The following SPATA17 variants were observed in gnomAD, a reference collection of about 807,000 sequenced individuals.
SPATA17 encodes the protein spermatogenesis-associated protein 17.
SPATA17 carries 53 observed loss-of-function variants against 62.2 expected under a neutral mutation model. The observed-to-expected ratio is 0.85, with a 90% confidence interval of 0.68 to 1.07. The LOEUF is 1.07. Among genes scored for constraint, SPATA17 ranks in the 50% least tolerant of loss-of-function variants. The pLI is 0.00. For missense variants in SPATA17, 466 were observed against 425.5 expected, an observed-to-expected ratio of 1.10 and a Z score of -0.84; for synonymous variants, 146 against 146.8, an observed-to-expected ratio of 0.99 and a Z score of 0.04.
intron 4 of SPATA17, among the ~76,000 whole-genome samples, chr1:217,681,141 C>A (rs950516999): frequency 1.3e-5 from 2 of 150,930 alleles, no homozygotes. Context: ...GCAGGAGAAT[C>A]GCTTGAACCA....
intron 4 of SPATA17, among the ~76,000 whole-genome samples, chr1:217,680,151 A>C (rs1671044894): frequency 6.6e-6 from 1 of 152,210 alleles, no homozygotes; most frequent in African/African-American, 2.4e-5. Context: ...ATGTATTTAC[A>C]AGTGTTCCCT....
intron 6 of SPATA17, among the ~76,000 whole-genome samples, chr1:217,761,325 A>T (rs1418785300): frequency 6.6e-6 from 1 of 152,132 alleles, no homozygotes. Flanking sequence ...TTCCAAAGTT[A>T]TTTAAAGGTT....
chr1:217,662,564 A>G (rs955221863), intron 3 of SPATA17, among the ~76,000 whole-genome samples: 2 of 152,134 alleles, frequency 1.3e-5, no homozygotes, highest in South Asian at 4.1e-4. Flanking sequence ...ACTTCTTTCA[A>G]TGTTTTCATA....
intron 6 of SPATA17, among the ~76,000 whole-genome samples, chr1:217,761,291 A>G (rs1399763198): frequency 6.6e-6 from 1 of 152,078 alleles, no homozygotes; most frequent in Admixed American, 6.6e-5. Context: ...GTGATGTCAT[A>G]TGGGACTATT....
chr1:217,788,481 T>C (rs974483022), intron 8 of SPATA17, among the ~76,000 whole-genome samples: 1 of 152,128 alleles, frequency 6.6e-6, no homozygotes, highest in African/African-American at 2.4e-5. Context: ...TAGGGACTTT[T>C]AGGTGGGGAG....
chr1:217,669,187 C>A, intron 4 of SPATA17, 104 bp downstream of exon 4: 2 of 940,796 alleles, frequency 2.1e-6, no homozygotes, highest in Non-Finnish European at 3.3e-6. Flanking sequence ...GATTGATATG[C>A]TAATGGTAAA....
At chr1:217,681,930 TA>T (rs941672304) in intron 4 of SPATA17, among the ~76,000 whole-genome samples, 183 of 141,690 alleles carry the variant, frequency 1.3e-3, no homozygotes, top group Non-Finnish European at 1.1e-3. Flanking sequence ...CCTTTCCTAT[TA>T]AAAAAAAAAA....
intron 3 of SPATA17, among the ~76,000 whole-genome samples, chr1:217,653,655 G>T (rs76972579): frequency 2.0e-5 from 3 of 151,962 alleles, no homozygotes; most frequent in Admixed American, 6.5e-5. Flanking sequence ...ATTGGACAGT[G>T]AGCCAATGGA....
chr1:217,653,557 C>A (rs1283908820), intron 3 of SPATA17, among the ~76,000 whole-genome samples: 1 of 151,962 alleles, frequency 6.6e-6, no homozygotes, highest in Non-Finnish European at 1.5e-5. Context: ...AGAGTTACAT[C>A]TTCATGATCT....
chr1:217,828,960 T>C (rs556464746), intron 9 of SPATA17, among the ~76,000 whole-genome samples: 19 of 152,148 alleles, frequency 1.2e-4, no homozygotes, highest in Admixed American at 3.3e-4. Flanking sequence ...GGTGAGGGTG[T>C]AGAGAAAAGG....
intron 9 of SPATA17, among the ~76,000 whole-genome samples, chr1:217,850,040 G>T (rs980833772): frequency 6.6e-6 from 1 of 152,064 alleles, no homozygotes; most frequent in Admixed American, 6.6e-5. Context: ...CACTGAATAT[G>T]TAGCTTACTG....
chr1:217,667,682 T>G (rs1670730060), intron 3 of SPATA17, among the ~76,000 whole-genome samples: 1 of 152,238 alleles, frequency 6.6e-6, no homozygotes, highest in African/African-American at 2.4e-5. Flanking sequence ...AACATCTTTT[T>G]CTGAACCCAA....
Position 217,869,510 on chromosome 1 carries a change from A to G in SPATA17, c.*2491A>G, listed in dbSNP as rs1676086943. 6.6e-6 allele frequency: 1 copy of G among 152,186 alleles called. No individual in the cohort carries two copies. Among genetic ancestry groups the G allele is most frequent in the South Asian group, 2.1e-4 (1 of 4,834 alleles). The allele number at this position is 152,186 out of a possible 1,614,324, so 9.4% of individuals were successfully genotyped here. ...TCTCTACAGAATGTAGATTTTCCCC[A>G]TAAGAGATAGCTTCGCAGGGCCATT... On this transcript the variant is annotated 3_prime_UTR_variant, in exon 11 of 11. Coordinates refer to ENST00000366933, the MANE Select transcript of SPATA17 (RefSeq NM_138796.4).
rs149951691 is a variant in SPATA17, at chr1:217,852,241, T to C, written c.1006-10533T>C. ...GACAATGCATCAAGTGTTATTTCTA[T>C]GTGAATTTTTTCTAATTACTTTTTA... On this transcript the variant is annotated intron_variant, in intron 9 of 10. Coordinates refer to ENST00000366933, the MANE Select transcript of SPATA17 (RefSeq NM_138796.4). Among the ~76,000 whole-genome samples the C allele has an allele frequency of 2.3e-3, 344 of 152,336 alleles. 1 individual carries two copies. Among genetic ancestry groups the C allele is most frequent in the African/African-American group, 8.0e-3 (333 of 41,582 alleles).
intron 8 of SPATA17, among the ~76,000 whole-genome samples, chr1:217,798,134 A>C (rs1041995121): frequency 6.6e-6 from 1 of 152,242 alleles, no homozygotes; most frequent in African/African-American, 2.4e-5. Context: ...ATGTAATTTA[A>C]AAGATAAAAC....
chr1:217,631,494 A>C, intron 1 of SPATA17, 48 bp downstream of exon 1: 1 of 1,592,160 alleles, frequency 6.3e-7, no homozygotes, highest in Non-Finnish European at 8.6e-7. Context: ...GTGACTTTAT[A>C]CCAGTTGTTC....
At chr1:217,865,375 T>C (rs1229216050) in intron 10 of SPATA17, among the ~76,000 whole-genome samples, 2 of 152,198 alleles carry the variant, frequency 1.3e-5, no homozygotes, top group Non-Finnish European at 2.9e-5. Flanking sequence ...TCTTTTAGCA[T>C]GTCTAAGTTT....
At chr1:217,701,394 T>A (rs1206229561) in intron 5 of SPATA17, among the ~76,000 whole-genome samples, 1 of 151,886 alleles carries the variant, frequency 6.6e-6, no homozygotes, top group Admixed American at 6.6e-5. Context: ...TTATTTATTT[T>A]TTTCTTTTGA....
intron 5 of SPATA17, among the ~76,000 whole-genome samples, chr1:217,698,560 G>A (rs1203160452): frequency 6.9e-6 from 1 of 145,242 alleles, no homozygotes; most frequent in African/African-American, 2.6e-5. Flanking sequence ...TGAGACAATT[G>A]TAAATTCACA....
Sources: allele counts gnomAD v4.1 joint callset (sites outside exome capture counted in the v4.1 genomes callset), GRCh38; gene constraint gnomAD v4.1.1; transcripts MANE v1.5; gene names NCBI Gene and HGNC (gene_info 2026-07-23, HGNC 2026-07-21).